Variants in CLVS1 observed in about 807,000 individuals in gnomAD.
CLVS1 encodes clavesin 1.
A neutral mutation model predicts 33.1 loss-of-function variants in CLVS1; 10 were observed. The observed-to-expected ratio is 0.30, with a 90% confidence interval of 0.19 to 0.51. The LOEUF (loss-of-function observed/expected upper bound fraction) is 0.51. Among genes scored for constraint, CLVS1 ranks in the 20% least tolerant of loss-of-function variants. The pLI is 0.97. For synonymous variants in CLVS1, 163 were observed against 166.1 expected (o/e 0.98, Z 0.14); for missense variants, 343 against 433.4 (o/e 0.79, Z 1.85).
upstream of CLVS1, among the ~76,000 whole-genome samples, chr8:61,056,884 C>T (rs377595268): frequency 3.3e-5 from 5 of 152,276 alleles, no homozygotes; most frequent in South Asian, 2.1e-4. Context: ...CAATCCCTAC[C>T]GGCTTCCTTC....
intron 2 of CLVS1, among the ~76,000 whole-genome samples, chr8:61,193,605 C>T (rs1017722706): frequency 1.3e-5 from 2 of 151,992 alleles, no homozygotes; most frequent in Non-Finnish European, 2.9e-5. Context: ...GAAATGTTTT[C>T]AGTGTACTGT....
At chr8:61,184,204 A>G (rs1471129844) in intron 2 of CLVS1, among the ~76,000 whole-genome samples, 1 of 152,200 alleles carries the variant, frequency 6.6e-6, no homozygotes, top group Non-Finnish European at 1.5e-5. Context: ...CAAGGAGTGG[A>G]AGGAACCTCT....
chr8:61,499,338 G>GTTAAT (rs1554581461), intron 5 of CLVS1, 117 bp from the exon 6 acceptor site: 1 of 668,942 alleles, frequency 1.5e-6, no homozygotes, highest in Non-Finnish European at 2.7e-6. Context: ...ACTGCACCCA[G>GTTAAT]TTAATTTTTG....
intron 1 of CLVS1, among the ~76,000 whole-genome samples, chr8:61,127,836 T>C (rs1412392837): frequency 4.6e-5 from 7 of 152,208 alleles, no homozygotes; most frequent in Non-Finnish European, 8.8e-5. Context: ...ATAAACCATG[T>C]AAGACAAATA....
At chr8:61,186,007 T>A (rs190433651) in intron 2 of CLVS1, among the ~76,000 whole-genome samples, 30 of 152,240 alleles carry the variant, frequency 2.0e-4, no homozygotes, top group Non-Finnish European at 3.8e-4. Flanking sequence ...GCCATGGAGA[T>A]AAGGACAGAG....
chr8:61,212,125 G>A (rs951936577), intron 2 of CLVS1, among the ~76,000 whole-genome samples: 3 of 152,168 alleles, frequency 2.0e-5, no homozygotes, highest in Non-Finnish European at 4.4e-5. Context: ...GCAGTTTGTC[G>A]CAGTAGCCAT....
chr8:61,130,331 A>T (rs1356128157), intron 1 of CLVS1, among the ~76,000 whole-genome samples: 1 of 152,104 alleles, frequency 6.6e-6, no homozygotes, highest in Non-Finnish European at 1.5e-5. Context: ...GTAAAGTTCC[A>T]CCACAGGTCA....
chr8:61,394,320 G>C (rs1057197933), intron 3 of CLVS1, among the ~76,000 whole-genome samples: 1 of 152,214 alleles, frequency 6.6e-6, no homozygotes, highest in African/African-American at 2.4e-5. Flanking sequence ...TAGTAGAAGG[G>C]GGATGTAAGC....
rs562503662 is a variant in CLVS1 at position 61,401,675 on chromosome 8, AT to A, written c.630+24898del. ...TCAATACTATTCCCATGAAACTACCATTGACATTCTTCACAGTTTTAGAAAA... is the reference window on the plus strand; with the variant it reads ...TCAATACTATTCCCATGAAACTACCATGACATTCTTCACAGTTTTAGAAAA... On this transcript the variant is annotated intron_variant, in intron 3 of 5. Coordinates refer to ENST00000325897, the MANE Select transcript of CLVS1 (RefSeq NM_173519.3). 1.7e-3 allele frequency among the ~76,000 whole-genome samples: 266 copies of A among 152,316 alleles called. 1 individual carries two copies. The highest frequency in any genetic ancestry group is 5.9e-3 in the African/African-American group (246 of 41,584).
At chr8:61,202,488 G>A (rs549064587) in intron 2 of CLVS1, 119 of 906,498 alleles carry the variant, frequency 1.3e-4, no homozygotes, top group African/African-American at 8.4e-4. Flanking sequence ...CTTTAAGAAC[G>A]GTCAGTTTAG....
intron 2 of CLVS1, among the ~76,000 whole-genome samples, chr8:61,349,875 A>T (rs1812377383): frequency 6.6e-6 from 1 of 152,126 alleles, no homozygotes; most frequent in South Asian, 2.1e-4. Context: ...GTAAGTGTGC[A>T]CTACCAGCTT....
At chr8:61,384,393 T>G (rs1296275272) in intron 3 of CLVS1, among the ~76,000 whole-genome samples, 4 of 152,130 alleles carry the variant, frequency 2.6e-5, no homozygotes, top group African/African-American at 2.4e-5. Flanking sequence ...CAATTAAAAG[T>G]CAACTGCAAT....
chr8:61,222,802 G>C (rs1808245671), intron 2 of CLVS1, among the ~76,000 whole-genome samples: 1 of 152,128 alleles, frequency 6.6e-6, no homozygotes, highest in Non-Finnish European at 1.5e-5. Context: ...CTATTATGGT[G>C]GGGGAGTGTA....
intron 1 of CLVS1, among the ~76,000 whole-genome samples, chr8:61,082,026 C>G (rs1239935160): frequency 6.6e-6 from 1 of 152,068 alleles, no homozygotes; most frequent in Non-Finnish European, 1.5e-5. Context: ...AGTGGAAATT[C>G]AAGACAATTA....
intron 3 of CLVS1, among the ~76,000 whole-genome samples, chr8:61,412,389 T>TG (rs1815263832): frequency 6.6e-6 from 1 of 152,070 alleles, no homozygotes; most frequent in Non-Finnish European, 1.5e-5. Flanking sequence ...CCACATGTTG[T>TG]GGGGGTCTCA....
At chr8:60,974,736 G>A in the CLVS1 span, among the ~76,000 whole-genome samples, 19 of 149,760 alleles carry the variant, frequency 1.3e-4, no homozygotes, top group African/African-American at 2.7e-4. Context: ...CCGAGATCAC[G>A]CCACTGCACT....
the CLVS1 span, among the ~76,000 whole-genome samples, chr8:61,035,725 A>ACACCTCGGCAGT: frequency 6.6e-6 from 1 of 152,182 alleles, no homozygotes; most frequent in Non-Finnish European, 1.5e-5. Flanking sequence ...GACCAGGCAG[A>ACACCTCGGCAGT]CACCTCAACA....
At chr8:61,470,830 T>G (rs1817710532) in intron 5 of CLVS1, among the ~76,000 whole-genome samples, 1 of 152,248 alleles carries the variant, frequency 6.6e-6, no homozygotes. Flanking sequence ...GCTTAAGATG[T>G]TCAAATGGTG....
chr8:61,005,376 C>CT, the CLVS1 span, among the ~76,000 whole-genome samples: 57,246 of 143,580 alleles, frequency 0.4, 11,295 homozygotes, highest in South Asian at 0.53. Flanking sequence ...AACAGGGTGG[C>CT]TTTTTTTTTT....
Sources: gnomAD v4.1 joint callset for allele counts (sites outside exome capture counted in the v4.1 genomes callset) on GRCh38, gnomAD v4.1.1 for gene constraint, MANE v1.5 for transcripts, NCBI Gene and HGNC (gene_info 2026-07-23, HGNC 2026-07-21) for gene names.